The following GPHN variants were observed in gnomAD, a reference collection of about 807,000 sequenced individuals.
GPHN encodes gephyrin.
A neutral mutation model predicts 95.5 loss-of-function variants in GPHN; 17 were observed. The ratio of observed to expected loss-of-function variants is 0.18; its 90% CI spans 0.12 to 0.27. The LOEUF is 0.27. Among genes scored for constraint, GPHN ranks in the 10% least tolerant of loss-of-function variants. The pLI is 1.00. For synonymous variants in GPHN, 320 were observed against 322.5 expected (o/e 0.99, Z 0.08); for missense variants, 660 against 978.1 (o/e 0.67, Z 4.34).
the GPHN span, chr14:67,359,557 C>G: frequency 1.5e-6 from 2 of 1,347,996 alleles, no homozygotes; most frequent in South Asian, 2.5e-5. Context: ...GCTCAGGATC[C>G]TCCCAGGAAA....
chr14:67,585,681 G>A, the GPHN span: 2 of 1,440,976 alleles, frequency 1.4e-6, no homozygotes, highest in Non-Finnish European at 1.9e-6. Context: ...GCTGCTCCCT[G>A]ACCCCTCCTC....
the GPHN span, among the ~76,000 whole-genome samples, chr14:67,673,984 T>C: frequency 1.3e-5 from 2 of 152,246 alleles, no homozygotes; most frequent in African/African-American, 2.4e-5. Context: ...TTTTCTGTGC[T>C]ACGGATCCTC....
chr14:67,552,827 T>G, the GPHN span, among the ~76,000 whole-genome samples: 4 of 151,326 alleles, frequency 2.6e-5, no homozygotes, highest in African/African-American at 9.7e-5. Flanking sequence ...GAGGACCACC[T>G]GGCAGTGACA....
At chr14:67,114,579 A>G (rs1195334875) in intron 16 of GPHN, among the ~76,000 whole-genome samples, 1 of 152,150 alleles carries the variant, frequency 6.6e-6, no homozygotes, top group Non-Finnish European at 1.5e-5. Flanking sequence ...AGTCCTAGCT[A>G]CTGAGGAGGC....
In GPHN at chr14:67,071,732, C is replaced by T. The variant is rs181219939; in HGVS notation, c.1144+12946C>T. Reference sequence around the variant, plus strand: ...CAGGTAGACTGATCTTCCTTTTTCACACTTCCTTCTATGCATACCATTATA... The same window carrying T: ...CAGGTAGACTGATCTTCCTTTTTCATACTTCCTTCTATGCATACCATTATA... On this transcript the variant is annotated intron_variant, in intron 11 of 22. Coordinates refer to ENST00000478722, the MANE Select transcript of GPHN (RefSeq NM_020806.5). Among the ~76,000 whole-genome samples the T allele has an allele frequency of 2.6e-4, 39 of 152,006 alleles. No individual in the cohort carries two copies. In the East Asian group the frequency reaches 7.5e-3, roughly 29 times the overall value.
intron 3 of GPHN, among the ~76,000 whole-genome samples, chr14:66,800,439 G>A (rs2060306294): frequency 6.6e-6 from 1 of 151,924 alleles, no homozygotes; most frequent in Non-Finnish European, 1.5e-5. Flanking sequence ...GTTCATGTTT[G>A]AAAAATATTC....
intron 5 of GPHN, among the ~76,000 whole-genome samples, chr14:66,881,874 G>A (rs1435497012): frequency 2.0e-5 from 3 of 151,734 alleles, no homozygotes; most frequent in African/African-American, 7.2e-5. Context: ...CAGCATGGGA[G>A]CACCTTCTGG....
At chr14:67,306,968 T>G in the GPHN span, among the ~76,000 whole-genome samples, 1 of 152,242 alleles carries the variant, frequency 6.6e-6, no homozygotes, top group African/African-American at 2.4e-5. Context: ...GTTAGAAATG[T>G]GTTTAAGACA....
At chr14:67,208,550 T>G in the GPHN span, 1 of 1,241,550 alleles carries the variant, frequency 8.1e-7, no homozygotes, top group Non-Finnish European at 1.1e-6. Context: ...CCACTGAAGA[T>G]TCTCAGAGAC....
At chr14:67,011,382 G>A (rs1193035230) in intron 9 of GPHN, among the ~76,000 whole-genome samples, 1 of 150,916 alleles carries the variant, frequency 6.6e-6, no homozygotes, top group Non-Finnish European at 1.5e-5. Context: ...TGACCAGCCT[G>A]GACAACATAG....
chr14:67,332,798 A>G, the GPHN span: 14 of 1,611,138 alleles, frequency 8.7e-6, no homozygotes, highest in Non-Finnish European at 9.3e-6. Flanking sequence ...GTTGAGAGAA[A>G]TCATTGAGAA....
chr14:66,944,012 A>G (rs2153574650), intron 8 of GPHN, among the ~76,000 whole-genome samples: 2 of 152,330 alleles, frequency 1.3e-5, no homozygotes, highest in South Asian at 4.1e-4. Flanking sequence ...AGACAAACGG[A>G]GAAAAATAAT....
At position 66,870,295 on chromosome 14, in the gene GPHN, G is replaced by C. The variant is rs138128740; in HGVS notation, c.295-9644G>C. 1.2e-3 allele frequency among the ~76,000 whole-genome samples: 185 copies of C among 152,258 alleles called. 9 individuals are homozygous for C. In the East Asian group the frequency reaches 0.018, roughly 14 times the overall value. On this transcript the variant is annotated intron_variant, in intron 4 of 22. Coordinates refer to ENST00000478722, the MANE Select transcript of GPHN (RefSeq NM_020806.5). The stretch of plus-strand genomic sequence containing the variant: ...CCACCATCAGCATCAATGCCTTTCA[G>C]TGGCATCACCATGATATATTTTTTC...
intron 1 of GPHN, among the ~76,000 whole-genome samples, chr14:66,567,557 C>T (rs2060512417): frequency 6.6e-6 from 1 of 152,060 alleles, no homozygotes; most frequent in African/African-American, 2.4e-5. Context: ...ATGAAAGCAG[C>T]CACTTGGATC....
chr14:67,114,910 A>G (rs949629516), intron 16 of GPHN, among the ~76,000 whole-genome samples: 4 of 152,176 alleles, frequency 2.6e-5, no homozygotes, highest in Non-Finnish European at 5.9e-5. Flanking sequence ...TGGGGTGAGA[A>G]TAGAGATGGT....
chr14:66,950,328 G>A (rs2068028918), intron 8 of GPHN, among the ~76,000 whole-genome samples: 1 of 152,004 alleles, frequency 6.6e-6, no homozygotes, highest in South Asian at 2.1e-4. Context: ...ACTACTCCAT[G>A]GCAAGCCTTT....
At chr14:67,373,885 G>A in the GPHN span, among the ~76,000 whole-genome samples, 153 of 148,008 alleles carry the variant, frequency 1.0e-3, no homozygotes, top group Non-Finnish European at 1.8e-3. Flanking sequence ...CTTCTGTGAC[G>A]ATAGCCTCTT....
At chr14:66,802,746 T>C (rs896779880) in intron 3 of GPHN, among the ~76,000 whole-genome samples, 5 of 152,116 alleles carry the variant, frequency 3.3e-5, no homozygotes, top group Non-Finnish European at 7.4e-5. Context: ...TCTAGAAGTG[T>C]CCAGGAGCTA....
intron 2 of GPHN, among the ~76,000 whole-genome samples, chr14:66,752,473 A>G (rs1297721944): frequency 6.6e-6 from 1 of 152,060 alleles, no homozygotes; most frequent in African/African-American, 2.4e-5. Flanking sequence ...TTGTTTCTCA[A>G]GGAATAAGGA....
Sources: gnomAD v4.1 joint callset for allele counts (sites outside exome capture counted in the v4.1 genomes callset) on GRCh38, gnomAD v4.1.1 for gene constraint, MANE v1.5 for transcripts, NCBI Gene and HGNC (gene_info 2026-07-23, HGNC 2026-07-21) for gene names.